Variants in TCEA1 observed in about 807,000 individuals in gnomAD.
TCEA1 encodes transcription elongation factor A1.
A neutral mutation model predicts 43.8 loss-of-function variants in TCEA1; 21 were observed. The ratio of observed to expected loss-of-function variants is 0.48; its 90% CI spans 0.34 to 0.69. The LOEUF (loss-of-function observed/expected upper bound fraction) is 0.69. TCEA1 is among the 30% of genes least tolerant of loss of function. The pLI, the probability that TCEA1 is intolerant of heterozygous loss-of-function variation, is 0.01. For synonymous variants in TCEA1, 104 were observed against 117.5 expected (o/e 0.88, Z 0.75); for missense variants, 250 against 365.1 (o/e 0.68, Z 2.57).
intron 8 of TCEA1, chr8:53,978,741 G>A (rs1362031502): frequency 3.5e-6 from 1 of 286,334 alleles, no homozygotes; most frequent in Non-Finnish European, 6.6e-6. Context: ...TTTCATAACA[G>A]TATCTTGTTA....
In TCEA1 at chr8:54,022,118, T is replaced by C. The variant is rs1375131410; in HGVS notation, c.8A>G (p.Asp3Gly). Residue 3 changes from aspartate (D) to glycine (G), a missense_variant, in exon 1 of 10, where the codon GAC (aspartate) becomes GGC (glycine). Coordinates refer to ENST00000521604, the MANE Select transcript of TCEA1 (RefSeq NM_006756.4). ...CTTCTTGGCAAAGCGGACCACTTCG[T>C]CCTCCATGGCTCCGGCAGGTCTTCT... is the stretch of plus-strand genomic sequence containing the variant. MEDEVVRFAKKMD... is the reference protein window; with the variant it reads MEGEVVRFAKKMD... The C allele has an allele frequency of 3.1e-6, 5 of 1,588,230 alleles. No homozygotes were observed. In the African/African-American group the frequency reaches 4.1e-5, roughly 13 times the overall value.
intron 8 of TCEA1, chr8:53,973,538 G>A (rs1191918864): frequency 1.9e-6 from 1 of 520,284 alleles, no homozygotes; most frequent in Non-Finnish European, 3.7e-6. Context: ...ATCTCCAGAA[G>A]AAGAAACCAA....
chr8:54,003,230 CA>C, intron 2 of TCEA1: 1 of 367,006 alleles, frequency 2.7e-6, no homozygotes, highest in East Asian at 7.3e-5. Context: ...ATGACCCAAA[CA>C]AAATTTTTAA....
intron 2 of TCEA1, chr8:54,002,778 G>T (rs1804312730): frequency 4.9e-6 from 2 of 406,506 alleles, no homozygotes; most frequent in Non-Finnish European, 9.7e-6. Context: ...TTGACTGCAG[G>T]ACTAATGAAA....
At chr8:54,012,764 CCT>C (rs1206517317) in intron 1 of TCEA1, among the ~76,000 whole-genome samples, 1 of 151,832 alleles carries the variant, frequency 6.6e-6, no homozygotes, top group African/African-American at 2.4e-5. Context: ...AGCATGACCC[CCT>C]CTCTACAAAA....
chr8:54,001,658 C>T (rs1381103174), intron 2 of TCEA1, among the ~76,000 whole-genome samples: 1 of 152,144 alleles, frequency 6.6e-6, no homozygotes, highest in East Asian at 1.9e-4. Context: ...TTACTAGGGG[C>T]TTGCAGGAGA....
intron 4 of TCEA1, 53 bp from the exon 5 acceptor site, chr8:53,988,312 T>G: frequency 6.3e-7 from 1 of 1,579,960 alleles, no homozygotes; most frequent in Non-Finnish European, 8.6e-7. Flanking sequence ...CCTTTCAAAG[T>G]AACAATACTA....
chr8:54,012,909 T>C (rs1804698547), intron 1 of TCEA1, among the ~76,000 whole-genome samples: 1 of 145,698 alleles, frequency 6.9e-6, no homozygotes, highest in South Asian at 2.1e-4. Context: ...GTCTAGCCTG[T>C]GTGGACAGAG....
At chr8:53,989,988 G>A (rs1282559376) in intron 4 of TCEA1, among the ~76,000 whole-genome samples, 1 of 152,086 alleles carries the variant, frequency 6.6e-6, no homozygotes, top group Non-Finnish European at 1.5e-5. Context: ...GTAATCCCAG[G>A]AGTTCAAGAA....
At chr8:54,015,022 T>C (rs1804777835) in intron 1 of TCEA1, among the ~76,000 whole-genome samples, 1 of 152,168 alleles carries the variant, frequency 6.6e-6, no homozygotes, top group Admixed American at 6.6e-5. Context: ...ATTACTTATT[T>C]CTACCATAAC....
Position 54,008,942 on chromosome 8 carries a change from T to G in TCEA1, c.126+1488A>C, listed in dbSNP as rs34009381. 3.2e-3 allele frequency among the ~76,000 whole-genome samples: 485 copies of G among 151,370 alleles called. 2 individuals are homozygous for G. The highest frequency in any genetic ancestry group is 0.011 in the African/African-American group (464 of 41,342). On this transcript the variant is annotated intron_variant, in intron 2 of 9. Transcript: ENST00000521604. Reference sequence around the variant, plus strand: ...TCAGCTCACTGCAACCTCCACTTCCTGGGTTCAACTGATTCTCGTGCCTCA... The same window carrying G: ...TCAGCTCACTGCAACCTCCACTTCCGGGGTTCAACTGATTCTCGTGCCTCA...
rs146261757 is a variant in TCEA1, at chr8:54,005,486, A to T, written c.126+4944T>A. Among the ~76,000 whole-genome samples the T allele has an allele frequency of 6.8e-3, 1,037 of 152,012 alleles. 19 individuals carry two copies. The highest frequency in any genetic ancestry group is 0.02 in the African/African-American group (834 of 41,464). ...ATCCAGTGTATCCAAATTATCCTTTATCTCTTCACCCCTCCATTTTTATTT... is the reference window on the plus strand; with the variant it reads ...ATCCAGTGTATCCAAATTATCCTTTTTCTCTTCACCCCTCCATTTTTATTT... On this transcript the variant is annotated intron_variant, in intron 2 of 9. Coordinates refer to ENST00000521604, the MANE Select transcript of TCEA1 (RefSeq NM_006756.4).
intron 2 of TCEA1, among the ~76,000 whole-genome samples, chr8:54,003,590 G>A (rs1021822996): frequency 2.9e-4 from 44 of 152,062 alleles, no homozygotes; most frequent in Admixed American, 2.9e-3. Flanking sequence ...ACAATTCATT[G>A]GAGAAAAGAA....
At chr8:53,983,232 G>C (rs1343853397) in intron 7 of TCEA1, among the ~76,000 whole-genome samples, 1 of 152,174 alleles carries the variant, frequency 6.6e-6, no homozygotes, top group Non-Finnish European at 1.5e-5. Flanking sequence ...ACATTTAGTA[G>C]ATTATAGTAT....
chr8:54,011,265 T>C (rs1169813651), intron 1 of TCEA1, among the ~76,000 whole-genome samples: 1 of 152,228 alleles, frequency 6.6e-6, no homozygotes, highest in Non-Finnish European at 1.5e-5. Flanking sequence ...GATTCAACAG[T>C]ATCTGTTTTT....
chr8:54,005,371 T>C (rs1014192269), intron 2 of TCEA1, among the ~76,000 whole-genome samples: 2 of 152,220 alleles, frequency 1.3e-5, no homozygotes, highest in Non-Finnish European at 2.9e-5. Context: ...TTTCCATCAC[T>C]GCAAAGTCAT....
intron 1 of TCEA1, among the ~76,000 whole-genome samples, chr8:54,016,286 C>T (rs933768352): frequency 6.6e-6 from 1 of 152,168 alleles, no homozygotes; most frequent in African/African-American, 2.4e-5. Context: ...ACCATCCTGG[C>T]TAATACAGTG....
chr8:54,014,793 T>C (rs147275666), intron 1 of TCEA1, among the ~76,000 whole-genome samples: 4 of 152,284 alleles, frequency 2.6e-5, no homozygotes, highest in African/African-American at 9.6e-5. Context: ...ATATGACAGA[T>C]TTAGATTCAA....
At chr8:54,007,121 C>T (rs879814344) in intron 2 of TCEA1, among the ~76,000 whole-genome samples, 2 of 152,158 alleles carry the variant, frequency 1.3e-5, no homozygotes, top group Admixed American at 1.3e-4. Flanking sequence ...GAATTACAGG[C>T]ATGAGCCACC....
Sources: gnomAD v4.1 joint callset for allele counts (sites outside exome capture counted in the v4.1 genomes callset) on GRCh38, gnomAD v4.1.1 for gene constraint, MANE v1.5 for transcripts, NCBI Gene and HGNC (gene_info 2026-07-23, HGNC 2026-07-21) for gene names.